SUPT6H: variants seen among roughly 807,000 people sequenced by gnomAD.
The protein encoded by SUPT6H is SPT6 homolog, histone chaperone and transcription elongation factor, also known as transcription elongation factor SPT6.
In SUPT6H, 11 loss-of-function variants were observed where a neutral mutation model predicts 222.3. That is an observed-to-expected ratio of 0.05 (90% CI 0.03 to 0.08). The LOEUF is 0.08. Ranked by LOEUF, SUPT6H falls within the 10% of genes least tolerant of loss-of-function variation. SUPT6H has a pLI of 1.00. For missense variants in SUPT6H, 1,422 were observed against 2,216.0 expected (o/e 0.64, Z 7.19); for synonymous variants, 762 against 801.2 (o/e 0.95, Z 0.83).
chr17:28,682,075 C>A, intron 13 of SUPT6H, 95 bp downstream of exon 13: 1 of 975,888 alleles, frequency 1.0e-6, no homozygotes, highest in Non-Finnish European at 1.5e-6. Flanking sequence ...GAAAGGCTAT[C>A]TGGGTCAATC....
Position 28,701,634 on chromosome 17 carries a change from C to G in SUPT6H, c.*9C>G. The G allele has an allele frequency of 6.3e-7, 1 of 1,596,808 alleles. No individual in the cohort carries two copies. Among genetic ancestry groups the G allele is most frequent in the Non-Finnish European group, 8.6e-7 (1 of 1,168,168 alleles). On this transcript the variant is annotated 3_prime_UTR_variant, in exon 37 of 37. Coordinates refer to ENST00000314616, the MANE Select transcript of SUPT6H (RefSeq NM_003170.5). The stretch of plus-strand genomic sequence containing the variant: ...ACGAGATGGATCGGTAGGGGGCCTG[C>G]TCCTCGGACTCTGGTTACCTCTGAG...
chr17:28,669,479 C>T (rs1488635498), intron 1 of SUPT6H, among the ~76,000 whole-genome samples: 2 of 152,116 alleles, frequency 1.3e-5, no homozygotes, highest in Admixed American at 6.5e-5. Context: ...AGCACTCGGC[C>T]GAATAATAAT....
In SUPT6H at chr17:28,674,777, G is replaced by A. The variant is rs1003192427; in HGVS notation, c.345+164G>A. 8.5e-5 allele frequency: 76 copies of A among 894,330 alleles called. No individual in the cohort carries two copies. In the Admixed American group the frequency reaches 1.7e-3, roughly 20 times the overall value. 55.4% of individuals were successfully genotyped at this position (894,330 alleles called of 1,614,324 possible). Reference sequence around the variant, plus strand: ...AGCCTAGATTTGCATCCCAGATCTGGGTGCCTGTTAGAGAAAGTCTTGTCC... The same window carrying A: ...AGCCTAGATTTGCATCCCAGATCTGAGTGCCTGTTAGAGAAAGTCTTGTCC... On this transcript the variant is annotated intron_variant, in intron 4 of 36. Coordinates refer to ENST00000314616, the MANE Select transcript of SUPT6H (RefSeq NM_003170.5).
chr17:28,669,681 T>A (rs1311677109), intron 1 of SUPT6H, among the ~76,000 whole-genome samples: 1 of 152,144 alleles, frequency 6.6e-6, no homozygotes, highest in Non-Finnish European at 1.5e-5. Flanking sequence ...ACGCCTGTAG[T>A]CCCAGCACTT....
At chr17:28,665,035 C>G (rs2029932802) in intron 1 of SUPT6H, among the ~76,000 whole-genome samples, 1 of 152,222 alleles carries the variant, frequency 6.6e-6, no homozygotes, top group African/African-American at 2.4e-5. Context: ...CCACTCAGAT[C>G]TTCCTCCAGT....
chr17:28,697,959 T>G lies in SUPT6H; in HGVS notation c.4377T>G (p.Pro1459=), dbSNP rs914296546. The change falls in exon 32 of 37, where the codon CCT becomes CCG. Residue 1459 remains proline, a synonymous_variant. Coordinates refer to ENST00000314616, the MANE Select transcript of SUPT6H (RefSeq NM_003170.5). ...AGAAGGAGAAGCCCACCTTCATCCC[T>G]TATTTCATCTGTGCCTGCAAGGAAC... ...KTKKEKPTFI[P]YFICACKELP... is the part of the protein sequence containing the mutation. 1.2e-6 allele frequency: 2 copies of G among 1,614,024 alleles called. No individual in the cohort carries two copies. Among genetic ancestry groups the G allele is most frequent in the Admixed American group, 3.3e-5 (2 of 60,030 alleles).
chr17:28,676,864 C>T (rs1236633396), intron 7 of SUPT6H, among the ~76,000 whole-genome samples: 2 of 151,934 alleles, frequency 1.3e-5, no homozygotes, highest in African/African-American at 4.8e-5. Context: ...GAGGTCACGG[C>T]TGCAGTGAGC....
At chr17:28,681,130 GA>G in intron 11 of SUPT6H, 125 bp from the exon 12 acceptor site, 1 of 978,088 alleles carries the variant, frequency 1.0e-6, no homozygotes, top group Non-Finnish European at 1.5e-6. Flanking sequence ...ATAATAATTG[GA>G]AAAAACTGGT....
Position 28,688,113 on chromosome 17 carries a change from G to T in SUPT6H, c.3029G>T (p.Arg1010Leu). The T allele has an allele frequency of 1.2e-6, 2 of 1,612,970 alleles. No homozygotes were observed. Among genetic ancestry groups the T allele is most frequent in the Non-Finnish European group, 1.7e-6 (2 of 1,179,464 alleles). ...CAGATCCTGAAGCAGAACAACACCC[G>T]GCTCGAGAGCCGGACCCAGCTGGTC... is the stretch of plus-strand genomic sequence containing the variant. ...LLKILKQNNT[R>L]LESRTQLVTM... Residue 1010 changes from arginine to leucine, a missense_variant, in exon 24 of 37, where the codon CGG (arginine) becomes CTG (leucine). Arg to Leu is a moderately radical substitution (Grantham distance 102). Coordinates refer to ENST00000314616, the MANE Select transcript of SUPT6H (RefSeq NM_003170.5). The surrounding 1 kb of genome is among the most constrained non-coding windows in gnomAD (Gnocchi z 4.3).
intron 1 of SUPT6H, among the ~76,000 whole-genome samples, chr17:28,666,073 C>A (rs2029992533): frequency 6.6e-6 from 1 of 152,236 alleles, no homozygotes; most frequent in Non-Finnish European, 1.5e-5. Flanking sequence ...TGCCACAGTA[C>A]ACGTGTTGTG....
chr17:28,690,347 G>A, intron 26 of SUPT6H, 118 bp downstream of exon 26: 1 of 1,293,934 alleles, frequency 7.7e-7, no homozygotes, highest in Non-Finnish European at 1.1e-6. Flanking sequence ...GGGAAGGCCA[G>A]GAGAGCATTT....
Position 28,697,669 on chromosome 17 carries a change from C to T in SUPT6H, c.4259C>T (p.Ala1420Val), listed in dbSNP as rs2151664266. 1.2e-6 allele frequency: 2 copies of T among 1,614,234 alleles called. No homozygotes were observed. Among genetic ancestry groups the T allele is most frequent in the South Asian group, 2.2e-5 (2 of 91,090 alleles). ...GTTGCTCGCTATGTCCAGCCCATGG[C>T]ATCCTTTGCCCGGGACCTTCTGAAT... ...EIVARYVQPM[A>V]SFARDLLNHK... Residue 1420 changes from alanine to valine, a missense_variant, in exon 31 of 37, where the codon GCA becomes GTA. Transcript: ENST00000314616.
At chr17:28,665,746 G>A (rs1373204324) in intron 1 of SUPT6H, among the ~76,000 whole-genome samples, 1 of 152,126 alleles carries the variant, frequency 6.6e-6, no homozygotes, top group African/African-American at 2.4e-5. Context: ...CCTGGGCAAT[G>A]GAGCGAGACT....
Position 28,687,401 on chromosome 17 carries a change from A to G in SUPT6H, c.2936A>G (p.His979Arg). 6.2e-7 allele frequency: 1 copy of G among 1,614,074 alleles called. No homozygotes were observed. The highest frequency in any genetic ancestry group is 8.5e-7 in the Non-Finnish European group (1 of 1,180,012). Residue 979 changes from histidine to arginine, a missense_variant, in exon 23 of 37, where the codon CAC becomes CGC. His to Arg is a conservative substitution (Grantham distance 29). Transcript: ENST00000314616. ...GTCGATGTCAACCGTGCCATTGCCCACCCTTACAGCCAGGCCTTGATCCAG... is the reference window on the plus strand; with the variant it reads ...GTCGATGTCAACCGTGCCATTGCCCGCCCTTACAGCCAGGCCTTGATCCAG... ...VGVDVNRAIA[H>R]PYSQALIQYV...
rs1454968195 is a variant in SUPT6H, at chr17:28,674,562, T to G, written c.294T>G (p.Asp98Glu). The G allele has an allele frequency of 2.5e-6, 4 of 1,614,182 alleles. No individual in the cohort carries two copies. Among genetic ancestry groups the G allele is most frequent in the Middle Eastern group, 1.6e-4 (1 of 6,062 alleles). ...KRTSFDDRLE[D>E]DDFDLIEENL... is the part of the protein sequence containing the mutation. ...CCTCTTTTGATGACCGCCTGGAGGA[T>G]GATGATTTTGACCTCATTGAGGAGA... The change falls in exon 4 of 37, where the codon GAT (aspartate) becomes GAG (glutamate). Residue 98 changes from aspartate (D) to glutamate (E), a missense_variant. Transcript: ENST00000314616.
chr17:28,699,684 C>A, intron 32 of SUPT6H, 97 bp from the exon 33 acceptor site: 1 of 1,002,326 alleles, frequency 1.0e-6, no homozygotes, highest in Non-Finnish European at 1.6e-6. Context: ...TCCCCTAGCA[C>A]CCAGAATGGC....
At position 28,688,301 on chromosome 17, in the gene SUPT6H, G is replaced by A; in HGVS notation, c.3134+83G>A. 1 of 1,473,476 alleles carries A rather than the reference G, an allele frequency of 6.8e-7. No individual in the cohort carries two copies. 91.3% of individuals were successfully genotyped at this position (1,473,476 alleles called of 1,614,324 possible). On this transcript the variant is annotated intron_variant, in intron 24 of 36. Coordinates refer to ENST00000314616, the MANE Select transcript of SUPT6H (RefSeq NM_003170.5). This position sits in a 1 kb window ranked among gnomAD's most constrained non-coding sequence, Gnocchi z 4.3. Reference sequence around the variant, plus strand: ...GTTTCAGGGGTTAGGGCTATCAAAGGGCCACAAGCCATTTTAACTTAGGAA... The same window carrying A: ...GTTTCAGGGGTTAGGGCTATCAAAGAGCCACAAGCCATTTTAACTTAGGAA...
chr17:28,677,540 C>T (rs927981668), intron 7 of SUPT6H, among the ~76,000 whole-genome samples, 175 bp from the exon 8 acceptor site: 2 of 150,692 alleles, frequency 1.3e-5, no homozygotes, highest in East Asian at 3.9e-4. Flanking sequence ...AGTGAGACAC[C>T]ATCTCAAAAA....
At chr17:28,662,793 TA>T (rs1221225165) in intron 1 of SUPT6H, among the ~76,000 whole-genome samples, 2 of 152,218 alleles carry the variant, frequency 1.3e-5, no homozygotes. Context: ...TATTGCTGAA[TA>T]ATACAAATAG....
Sources: allele counts gnomAD v4.1 joint callset (sites outside exome capture counted in the v4.1 genomes callset), GRCh38; gene constraint gnomAD v4.1.1; non-coding constraint Gnocchi (gnomAD v3.1); transcripts MANE v1.5; gene names NCBI Gene and HGNC (gene_info 2026-07-23, HGNC 2026-07-21).